ST8SIA1: variants seen among roughly 807,000 people sequenced by gnomAD.
ST8SIA1 encodes alpha-N-acetylneuraminide alpha-2,8-sialyltransferase.
ST8SIA1 carries 16 observed loss-of-function variants against 35.9 expected under a neutral mutation model. The ratio of observed to expected loss-of-function variants is 0.45; its 90% CI spans 0.30 to 0.68. The LOEUF is 0.68. Among genes scored for constraint, ST8SIA1 ranks in the 30% least tolerant of loss-of-function variants. The pLI, the probability that ST8SIA1 is intolerant of heterozygous loss-of-function variation, is 0.09. For missense variants in ST8SIA1, 383 were observed against 453.6 expected, an observed-to-expected ratio of 0.84 and a Z score of 1.41; for synonymous variants, 170 against 169.6, an observed-to-expected ratio of 1.00 and a Z score of -0.02.
intron 1 of ST8SIA1, among the ~76,000 whole-genome samples, chr12:22,332,206 T>C (rs1050149959): frequency 6.6e-6 from 1 of 152,204 alleles, no homozygotes; most frequent in African/African-American, 2.4e-5. Context: ...TGTGTGGATT[T>C]TAATAAGTAA....
intron 1 of ST8SIA1, among the ~76,000 whole-genome samples, chr12:22,320,984 AAAGAAAGAAAGAAAGAAAG>A (rs879748316): frequency 0.011 from 1,419 of 125,204 alleles, 29 homozygotes; most frequent in African/African-American, 0.035. Context: ...AGAAAGAAAG[AAAGAAAGAAAGAAAGAAAG>A]AAGAAAGAAA....
intron 1 of ST8SIA1, among the ~76,000 whole-genome samples, chr12:22,331,589 A>G (rs1240594260): frequency 6.6e-6 from 1 of 152,202 alleles, no homozygotes; most frequent in Non-Finnish European, 1.5e-5. Context: ...TGTCTCCTTA[A>G]CATGATAATG....
chr12:22,256,209 C>A (rs1458130810), intron 2 of ST8SIA1, among the ~76,000 whole-genome samples: 1 of 152,188 alleles, frequency 6.6e-6, no homozygotes, highest in African/African-American at 2.4e-5. Context: ...TTAGGACCCA[C>A]TAAGGGGCAA....
chr12:22,271,274 C>T (rs1485163005), intron 2 of ST8SIA1, among the ~76,000 whole-genome samples: 1 of 152,188 alleles, frequency 6.6e-6, no homozygotes, highest in East Asian at 1.9e-4. Flanking sequence ...GCACTGGCAA[C>T]AGAAAGTTCA....
intron 1 of ST8SIA1, among the ~76,000 whole-genome samples, chr12:22,289,927 CTTGT>C (rs1457966906): frequency 2.0e-5 from 3 of 152,176 alleles, no homozygotes; most frequent in Non-Finnish European, 4.4e-5. Flanking sequence ...GACCCAGAGA[CTTGT>C]TTAAGTTCAT....
At chr12:22,238,913 G>C (rs982997255) in intron 4 of ST8SIA1, among the ~76,000 whole-genome samples, 1 of 152,006 alleles carries the variant, frequency 6.6e-6, no homozygotes, top group African/African-American at 2.4e-5. Context: ...AGGATCTTTG[G>C]AGGTAAAAAA....
At chr12:22,217,377 T>C (rs1865246233) in intron 4 of ST8SIA1, among the ~76,000 whole-genome samples, 2 of 152,156 alleles carry the variant, frequency 1.3e-5, no homozygotes, top group Non-Finnish European at 2.9e-5. Flanking sequence ...AGTAAAAAAA[T>C]GGAGATGATG....
chr12:22,244,577 C>G (rs1304006924), intron 4 of ST8SIA1, among the ~76,000 whole-genome samples: 2 of 152,150 alleles, frequency 1.3e-5, no homozygotes, highest in Non-Finnish European at 2.9e-5. Flanking sequence ...CTGCCTCAGC[C>G]TCCCAAGTAG....
At chr12:22,332,349 C>A (rs1866778384) in intron 1 of ST8SIA1, among the ~76,000 whole-genome samples, 1 of 152,202 alleles carries the variant, frequency 6.6e-6, no homozygotes, top group Non-Finnish European at 1.5e-5. Context: ...GCATTTTCCA[C>A]TTGACTGTAT....
chr12:22,231,472 A>T (rs2120695204), intron 4 of ST8SIA1, among the ~76,000 whole-genome samples: 1 of 152,276 alleles, frequency 6.6e-6, no homozygotes, highest in African/African-American at 2.4e-5. Context: ...GTGGGAAGAA[A>T]ATGCCTGGCT....
At position 22,201,963 on chromosome 12, in the gene ST8SIA1, C is replaced by G. The variant is rs1345865898; in HGVS notation, c.660G>C (p.Met220Ile). Residue 220 changes from methionine to isoleucine, a missense_variant, in exon 5 of 5, where the codon ATG (methionine) becomes ATC (isoleucine). Physicochemically the swap from Met to Ile is conservative, Grantham distance 10. Coordinates refer to ENST00000396037, the MANE Select transcript of ST8SIA1 (RefSeq NM_003034.4). Reference sequence around the variant, plus strand: ...TTCCTGTCTTCATAGAAAAGGCAGGCATGTAGATGTAACTGTGGTTATAAA... The same window carrying G: ...TTCCTGTCTTCATAGAAAAGGCAGGGATGTAGATGTAACTGTGGTTATAAA... ...MKIYNHSYIY[M>I]PAFSMKTGTE... is the part of the protein sequence containing the mutation. 2 of 1,613,846 alleles carry G rather than the reference C, an allele frequency of 1.2e-6. No homozygotes were observed. Among genetic ancestry groups the G allele is most frequent in the South Asian group, 2.2e-5 (2 of 91,070 alleles).
At chr12:22,254,893 G>A (rs1369778431) in intron 3 of ST8SIA1, among the ~76,000 whole-genome samples, 1 of 152,132 alleles carries the variant, frequency 6.6e-6, no homozygotes, top group Admixed American at 6.5e-5. Context: ...GAAGAATAAG[G>A]TATAGAATAA....
chr12:22,243,877 C>G (rs1865569385), intron 4 of ST8SIA1, among the ~76,000 whole-genome samples: 1 of 152,016 alleles, frequency 6.6e-6, no homozygotes, highest in Non-Finnish European at 1.5e-5. Flanking sequence ...ACAAAAAATA[C>G]AAAATCACCC....
chr12:22,329,323 C>T (rs1483870621), intron 1 of ST8SIA1, among the ~76,000 whole-genome samples: 2 of 152,064 alleles, frequency 1.3e-5, no homozygotes, highest in African/African-American at 2.4e-5. Context: ...GGAACATACA[C>T]AAACCTACTT....
rs191560581 is a variant in ST8SIA1 at position 22,210,780 on chromosome 12, A to T, written c.585-8742T>A. On this transcript the variant is annotated intron_variant, in intron 4 of 4. Transcript: ENST00000396037. ...CTAAAGCTGCCTCTTCACATATTTT[A>T]GGTTCAGCCTAAAGATTTCTCTATA... Among the ~76,000 whole-genome samples the T allele has an allele frequency of 2.4e-4, 37 of 152,348 alleles. 1 individual carries two copies. In the East Asian group the frequency reaches 6.6e-3, roughly 27 times the overall value.
intron 1 of ST8SIA1, among the ~76,000 whole-genome samples, chr12:22,300,766 T>A (rs1180690887): frequency 6.6e-6 from 1 of 152,198 alleles, no homozygotes; most frequent in Non-Finnish European, 1.5e-5. Flanking sequence ...AGCAAATGTC[T>A]TAACCTTTGA....
Position 22,200,480 on chromosome 12 carries a change from AT to A in ST8SIA1, c.*1071del, listed in dbSNP as rs1400962433. The A allele has an allele frequency of 6.6e-6, 1 of 152,316 alleles. No individual in the cohort carries two copies. The highest frequency in any genetic ancestry group is 6.5e-5 in the Admixed American group (1 of 15,288). The allele number at this position is 152,316 out of a possible 1,614,324, so 9.4% of individuals were successfully genotyped here. On this transcript the variant is annotated 3_prime_UTR_variant, in exon 5 of 5. Coordinates refer to ENST00000396037, the MANE Select transcript of ST8SIA1 (RefSeq NM_003034.4). ...TTTAATGGTATACTAGTAAAAATGT[AT>A]TCTTTTTTAGGTAACTACTAAATAA...
chr12:22,222,306 G>T (rs1467069876), intron 4 of ST8SIA1, among the ~76,000 whole-genome samples: 4 of 152,084 alleles, frequency 2.6e-5, no homozygotes, highest in African/African-American at 9.7e-5. Flanking sequence ...TGGAAAGTTT[G>T]GTCCAAACAT....
chr12:22,324,051 A>C (rs1866640935), intron 1 of ST8SIA1, among the ~76,000 whole-genome samples: 1 of 152,236 alleles, frequency 6.6e-6, no homozygotes, highest in Non-Finnish European at 1.5e-5. Context: ...ATATAGAATT[A>C]AGACAACTTA....
Sources: allele counts gnomAD v4.1 joint callset (sites outside exome capture counted in the v4.1 genomes callset), GRCh38; gene constraint gnomAD v4.1.1; transcripts MANE v1.5; gene names NCBI Gene and HGNC (gene_info 2026-07-23, HGNC 2026-07-21).